PCDH9: variants seen among roughly 807,000 people sequenced by gnomAD.
The protein encoded by PCDH9 is protocadherin 9, also known as protocadherin-9.
In PCDH9, 24 loss-of-function variants were observed where a neutral mutation model predicts 70.6. That is an observed-to-expected ratio of 0.34 (90% CI 0.25 to 0.48). PCDH9 has a LOEUF of 0.48. Among genes scored for constraint, PCDH9 ranks in the 20% least tolerant of loss-of-function variants. PCDH9 has a pLI of 0.99. For synonymous variants in PCDH9, 562 were observed against 558.5 expected, an observed-to-expected ratio of 1.01 and a Z score of -0.09; for missense variants, 1,281 against 1,503.6, an observed-to-expected ratio of 0.85 and a Z score of 2.45.
intron 3 of PCDH9, among the ~76,000 whole-genome samples, chr13:66,692,810 G>C (rs1414972123): frequency 6.6e-6 from 1 of 151,894 alleles, no homozygotes; most frequent in South Asian, 2.1e-4. Context: ...CTCTAATCAA[G>C]AAGAATGGAA....
intron 3 of PCDH9, among the ~76,000 whole-genome samples, chr13:66,687,529 A>G (rs566909408): frequency 4.0e-4 from 61 of 152,110 alleles, no homozygotes; most frequent in African/African-American, 1.5e-3. Context: ...TATACATCAA[A>G]TTTTGACTTA....
intron 2 of PCDH9, among the ~76,000 whole-genome samples, chr13:67,017,932 C>T (rs1369166436): frequency 6.6e-6 from 1 of 152,080 alleles, no homozygotes; most frequent in East Asian, 1.9e-4. Context: ...AAGAAAATAA[C>T]ATTATTAAAG....
intron 2 of PCDH9, among the ~76,000 whole-genome samples, chr13:67,160,505 C>T (rs2087927105): frequency 6.6e-6 from 1 of 151,892 alleles, no homozygotes; most frequent in Non-Finnish European, 1.5e-5. Context: ...TGAGATCGCG[C>T]CACTGCACTC....
At chr13:66,850,613 A>G (rs2081300673) in intron 3 of PCDH9, among the ~76,000 whole-genome samples, 1 of 152,220 alleles carries the variant, frequency 6.6e-6, no homozygotes, top group South Asian at 2.1e-4. Flanking sequence ...TCAGAAAGTT[A>G]TCTGATAAAT....
chr13:66,939,811 C>T (rs1239330198), intron 2 of PCDH9, among the ~76,000 whole-genome samples: 2 of 151,832 alleles, frequency 1.3e-5, no homozygotes, highest in African/African-American at 4.8e-5. Flanking sequence ...CAAGGCTCAA[C>T]GTATAGGCGC....
chr13:66,834,376 A>C (rs139099102), intron 3 of PCDH9, among the ~76,000 whole-genome samples: 4,565 of 152,090 alleles, frequency 0.03, 234 homozygotes, highest in African/African-American at 0.1. Context: ...TGCTGACCTC[A>C]GGTGATCCAC....
At position 67,226,986 on chromosome 13, in the gene PCDH9, C is replaced by G. The variant is rs750571799; in HGVS notation, c.1455G>C (p.Gly485=). 3 of 1,614,186 alleles carry G rather than the reference C, an allele frequency of 1.9e-6. No individual in the cohort carries two copies. The highest frequency in any genetic ancestry group is 2.5e-6 in the Non-Finnish European group (3 of 1,180,032). The change falls in exon 2 of 5, where the codon GGG becomes GGC. Residue 485 remains glycine (G), a synonymous_variant. Transcript: ENST00000377865. The surrounding 1 kb of genome is among the most constrained non-coding windows in gnomAD (Gnocchi z 5.0). ...TGGCACTAATAGTTGTTAAGTATAA[C>G]CCACGTCGGTTGTTTTCAGAAACTG... The part of the protein sequence containing the change: ...ELSVSENNRR[G]LYLTTISATD...
chr13:66,465,401 G>A (rs1184475508), intron 4 of PCDH9, among the ~76,000 whole-genome samples: 1 of 151,864 alleles, frequency 6.6e-6, no homozygotes, highest in East Asian at 1.9e-4. Context: ...TTCAGATGAA[G>A]TAGTTGAGCT....
chr13:67,088,811 C>A (rs1472820448), intron 2 of PCDH9, among the ~76,000 whole-genome samples: 1 of 151,972 alleles, frequency 6.6e-6, no homozygotes, highest in Admixed American at 6.6e-5. Flanking sequence ...TTTAACTATG[C>A]AATTCTACTT....
chr13:67,055,748 T>G (rs1261560374), intron 2 of PCDH9, among the ~76,000 whole-genome samples: 4 of 152,182 alleles, frequency 2.6e-5, no homozygotes, highest in Non-Finnish European at 5.9e-5. Flanking sequence ...TACAGTGAGC[T>G]ATAATCACAT....
At chr13:66,821,047 C>T (rs1394019141) in intron 3 of PCDH9, among the ~76,000 whole-genome samples, 2 of 152,054 alleles carry the variant, frequency 1.3e-5, no homozygotes, top group East Asian at 3.9e-4. Context: ...TATTCATAAG[C>T]TTCGAATACC....
intron 4 of PCDH9, among the ~76,000 whole-genome samples, chr13:66,339,727 T>C (rs1956095585): frequency 6.6e-6 from 1 of 152,168 alleles, no homozygotes; most frequent in Non-Finnish European, 1.5e-5. Context: ...TGAACATGCA[T>C]TTGTGGTTCA....
At chr13:66,392,595 C>A (rs1343883393) in intron 4 of PCDH9, among the ~76,000 whole-genome samples, 1 of 152,262 alleles carries the variant, frequency 6.6e-6, no homozygotes, top group Non-Finnish European at 1.5e-5. Context: ...GAACTGTAAA[C>A]TCTAAAGTCT....
At chr13:66,401,651 T>C (rs939589104) in intron 4 of PCDH9, among the ~76,000 whole-genome samples, 1 of 152,158 alleles carries the variant, frequency 6.6e-6, no homozygotes, top group Non-Finnish European at 1.5e-5. Flanking sequence ...AGACTTTTTA[T>C]ACCACTTAAG....
intron 3 of PCDH9, among the ~76,000 whole-genome samples, chr13:66,775,630 C>T (rs1456049247): frequency 6.6e-6 from 1 of 152,144 alleles, no homozygotes; most frequent in Non-Finnish European, 1.5e-5. Flanking sequence ...TAAATATACT[C>T]CTCCTTGTGA....
At chr13:66,589,351 G>C (rs1932895) in intron 4 of PCDH9, among the ~76,000 whole-genome samples, 148,675 of 152,038 alleles carry the variant, frequency 0.98, 72,793 homozygotes, top group East Asian at 1. Flanking sequence ...AAAAATACAT[G>C]ATTTAGTTTA....
Position 66,940,010 on chromosome 13 carries a change from TG to T in PCDH9, c.3037-36406del, listed in dbSNP as rs202173663. On this transcript the variant is annotated intron_variant, in intron 2 of 4. Coordinates refer to ENST00000377865, the MANE Select transcript of PCDH9 (RefSeq NM_203487.3). ...ATGTTTTGGATTTCAAAAATTATTT[TG>T]TTTTTTTGATGCAGCATAATATAGA... Among the ~76,000 whole-genome samples the T allele has an allele frequency of 4.6e-4, 70 of 152,346 alleles. 1 individual carries two copies. Among genetic ancestry groups the T allele is most frequent in the African/African-American group, 1.6e-3 (65 of 41,580 alleles).
At chr13:66,756,631 C>T (rs2079541947) in intron 3 of PCDH9, among the ~76,000 whole-genome samples, 1 of 152,026 alleles carries the variant, frequency 6.6e-6, no homozygotes, top group Non-Finnish European at 1.5e-5. Context: ...TTCTATAGCC[C>T]CATTTCTGAG....
chr13:66,906,417 T>C (rs2082361485), intron 2 of PCDH9, among the ~76,000 whole-genome samples: 1 of 152,228 alleles, frequency 6.6e-6, no homozygotes, highest in South Asian at 2.1e-4. Flanking sequence ...AGTGAGAAGT[T>C]ATAGAATTGG....
Sources: gnomAD v4.1 joint callset for allele counts (sites outside exome capture counted in the v4.1 genomes callset) on GRCh38, gnomAD v4.1.1 for gene constraint, Gnocchi (gnomAD v3.1) non-coding constraint, MANE v1.5 for transcripts, NCBI Gene and HGNC (gene_info 2026-07-23, HGNC 2026-07-21) for gene names.